Variants in PCDHGA3 observed in about 807,000 individuals in gnomAD.
PCDHGA3 encodes the protein protocadherin gamma-A3.
A neutral mutation model predicts 58.5 loss-of-function variants in PCDHGA3; 40 were observed. That is an observed-to-expected ratio of 0.68 (90% confidence interval 0.53 to 0.89). The LOEUF (loss-of-function observed/expected upper bound fraction) is 0.89, where lower values mean the gene tolerates loss of function less well. Ranked by LOEUF, PCDHGA3 falls within the 40% of genes least tolerant of loss-of-function variation. The probability of loss-of-function intolerance (pLI) is 0.00; values close to 1 mark genes in which losing one functional copy is unlikely to be tolerated. For synonymous variants in PCDHGA3, 530 were observed against 525.7 expected (o/e 1.01, Z -0.11); for missense variants, 1,223 against 1,195.9 (o/e 1.02, Z -0.33).
At chr5:141,355,830 C>G (rs1245004655) in intron 1 of PCDHGA3, 7 of 1,612,458 alleles carry the variant, frequency 4.3e-6, no homozygotes, top group Non-Finnish European at 5.9e-6. Flanking sequence ...TTCACCACCT[C>G]GTTCTCACGG....
chr5:141,489,111 C>G lies in PCDHGA3; in HGVS notation c.2425-5696C>G. 1.9e-6 allele frequency: 1 copy of G among 518,042 alleles called. No individual in the cohort carries two copies. Among genetic ancestry groups the G allele is most frequent in the Non-Finnish European group, 3.2e-6 (1 of 308,182 alleles). The allele number at this position is 518,042 out of a possible 1,614,324, so 32.1% of individuals were successfully genotyped here. The stretch of plus-strand genomic sequence containing the variant: ...GTGACTAAGAACTGCTGCAAGCAGG[C>G]AAACCTCCGAGCAGTTTTTAAGAGG... On this transcript the variant is annotated intron_variant, in intron 1 of 3. Coordinates refer to ENST00000253812, the MANE Select transcript of PCDHGA3 (RefSeq NM_018916.4). This position sits in a 1 kb window ranked among gnomAD's most constrained non-coding sequence, Gnocchi z 4.5.
At chr5:141,415,416 G>C (rs747598923) in intron 1 of PCDHGA3, 3 of 1,614,220 alleles carry the variant, frequency 1.9e-6, no homozygotes, top group Non-Finnish European at 2.5e-6. Flanking sequence ...TTGTGGGCGT[G>C]GACGGGGTTC....
intron 1 of PCDHGA3, chr5:141,403,391 G>A: frequency 1.2e-6 from 2 of 1,614,046 alleles, no homozygotes; most frequent in Non-Finnish European, 1.7e-6. Flanking sequence ...CGAAATCGCG[G>A]TTCCTGGAGC....
Position 141,485,342 on chromosome 5 carries a change from G to C in PCDHGA3, c.2425-9465G>C. 1.2e-6 allele frequency: 2 copies of C among 1,614,164 alleles called. No individual in the cohort carries two copies. Among genetic ancestry groups the C allele is most frequent in the Non-Finnish European group, 1.7e-6 (2 of 1,180,026 alleles). On this transcript the variant is annotated intron_variant, in intron 1 of 3. Coordinates refer to ENST00000253812, the MANE Select transcript of PCDHGA3 (RefSeq NM_018916.4). The surrounding 1 kb of genome is among the most constrained non-coding windows in gnomAD (Gnocchi z 5.7). The stretch of plus-strand genomic sequence containing the variant: ...CGCTCAAGATTTCCTGCTGGATACG[G>C]ACAGTCTGTCAGCTCGCAGGCTGCA...
intron 1 of PCDHGA3, among the ~76,000 whole-genome samples, chr5:141,402,640 T>G (rs1180615388): frequency 1.3e-5 from 2 of 152,232 alleles, no homozygotes; most frequent in East Asian, 3.8e-4. Flanking sequence ...TCTAAAATCA[T>G]AATTAGAAGA....
At chr5:141,404,488 T>A in intron 1 of PCDHGA3, 1 of 1,613,536 alleles carries the variant, frequency 6.2e-7, no homozygotes, top group Non-Finnish European at 8.5e-7. Context: ...CAGACACTGG[T>A]GTGCTGTATG....
chr5:141,487,355 G>A lies in PCDHGA3; in HGVS notation c.2425-7452G>A. ...AGCCTGTGGAGTCACATGCTTTCCT[G>A]CTGGCACCTGTGCCTGTCTCACCAG... On this transcript the variant is annotated intron_variant, in intron 1 of 3. Coordinates refer to ENST00000253812, the MANE Select transcript of PCDHGA3 (RefSeq NM_018916.4). This position sits in a 1 kb window ranked among gnomAD's most constrained non-coding sequence, Gnocchi z 5.0. 1 of 1,614,150 alleles carries A rather than the reference G, an allele frequency of 6.2e-7. No homozygotes were observed. Among genetic ancestry groups the A allele is most frequent in the South Asian group, 1.1e-5 (1 of 91,090 alleles).
At chr5:141,390,674 T>C (rs1389887545) in intron 1 of PCDHGA3, 1 of 189,116 alleles carries the variant, frequency 5.3e-6, no homozygotes, top group East Asian at 1.5e-4. Flanking sequence ...ATAAAAATAA[T>C]AAAGCCAAAG....
At chr5:141,399,834 G>A (rs375768001) in intron 1 of PCDHGA3, 3 of 1,613,004 alleles carry the variant, frequency 1.9e-6, no homozygotes, top group African/African-American at 2.7e-5. Flanking sequence ...ACGGCTCTGC[G>A]CTCTTCGATA....
intron 1 of PCDHGA3, chr5:141,395,206 A>G (rs773754361): frequency 1.2e-6 from 2 of 1,613,736 alleles, no homozygotes; most frequent in South Asian, 1.1e-5. Context: ...GTAGATTTTC[A>G]TGAATATAAG....
At chr5:141,406,173 T>C (rs1317526026) in intron 1 of PCDHGA3, among the ~76,000 whole-genome samples, 2 of 151,712 alleles carry the variant, frequency 1.3e-5, no homozygotes, top group African/African-American at 4.8e-5. Context: ...CCTGGGCTTA[T>C]GCAATCCTCC....
At chr5:141,394,224 A>G (rs375614946) in intron 1 of PCDHGA3, 380 of 1,613,788 alleles carry the variant, frequency 2.4e-4, no homozygotes, top group Middle Eastern at 1.3e-3. Context: ...AGGAGCCTCC[A>G]TCTTTTCCTT....
Position 141,487,831 on chromosome 5 carries a change from A to G in PCDHGA3, c.2425-6976A>G, listed in dbSNP as rs1001896359. ...TTAGCATTGGGGGCGGGTCATGCCTATATCTGAGTAAGAAATGAAAGTAAT... is the reference window on the plus strand; with the variant it reads ...TTAGCATTGGGGGCGGGTCATGCCTGTATCTGAGTAAGAAATGAAAGTAAT... On this transcript the variant is annotated intron_variant, in intron 1 of 3. Transcript: ENST00000253812. This position sits in a 1 kb window ranked among gnomAD's most constrained non-coding sequence, Gnocchi z 5.0. The G allele has an allele frequency of 1.1e-5, 13 of 1,144,204 alleles. No homozygotes were observed. Among genetic ancestry groups the G allele is most frequent in the Non-Finnish European group, 1.6e-5 (13 of 818,302 alleles). 70.9% of individuals were successfully genotyped at this position (1,144,204 alleles called of 1,614,324 possible). A position where few individuals can be genotyped will look rare whatever the true frequency, so the allele number is the denominator to read the frequency against.
intron 1 of PCDHGA3, among the ~76,000 whole-genome samples, chr5:141,468,178 T>G (rs1033546956): frequency 1.3e-5 from 2 of 151,580 alleles, no homozygotes; most frequent in African/African-American, 4.8e-5. Context: ...TAGAAAAATT[T>G]GCTGGGCATG....
In PCDHGA3 at chr5:141,418,134, G is replaced by A. The variant is rs367774534; in HGVS notation, c.2424+71677G>A. ...TTACTTGTGAAGGACCGAATAGACC[G>A]TGAGCAAATATGCAAAGAGAGAAGA... On this transcript the variant is annotated intron_variant, in intron 1 of 3. Transcript: ENST00000253812. The A allele has an allele frequency of 3.1e-6, 5 of 1,613,970 alleles. No individual in the cohort carries two copies. In the African/African-American group the frequency reaches 4.0e-5, roughly 13 times the overall value.
At position 141,486,996 on chromosome 5, in the gene PCDHGA3, A is replaced by G; in HGVS notation, c.2425-7811A>G. ...TCAGGTTACAATGCTTGGGTTTCCT[A>G]TCAGCTCCTGGAGGCCCCAGATCCC... On this transcript the variant is annotated intron_variant, in intron 1 of 3. Coordinates refer to ENST00000253812, the MANE Select transcript of PCDHGA3 (RefSeq NM_018916.4). This position sits in a 1 kb window ranked among gnomAD's most constrained non-coding sequence, Gnocchi z 5.0. 6.2e-7 allele frequency: 1 copy of G among 1,614,152 alleles called. No individual in the cohort carries two copies. Among genetic ancestry groups the G allele is most frequent in the Non-Finnish European group, 8.5e-7 (1 of 1,180,032 alleles).
At chr5:141,364,978 T>G (rs753013611) in intron 1 of PCDHGA3, 1 of 1,613,892 alleles carries the variant, frequency 6.2e-7, no homozygotes, top group Non-Finnish European at 8.5e-7. Flanking sequence ...CAGCTTTAGA[T>G]GGCGGAGACC....
At chr5:141,390,455 T>C (rs2092151799) in intron 1 of PCDHGA3, 6 of 771,128 alleles carry the variant, frequency 7.8e-6, no homozygotes, top group Non-Finnish European at 1.2e-5. Context: ...AGGAGTAAAG[T>C]AGGAGCAATT....
intron 1 of PCDHGA3, chr5:141,441,758 C>T: frequency 2.6e-6 from 1 of 382,050 alleles, no homozygotes. Context: ...TCAACGTGAG[C>T]CTGCGCGTGT....
Sources: allele counts gnomAD v4.1 joint callset (sites outside exome capture counted in the v4.1 genomes callset), GRCh38; gene constraint gnomAD v4.1.1; non-coding constraint Gnocchi (gnomAD v3.1); transcripts MANE v1.5; gene names NCBI Gene and HGNC (gene_info 2026-07-23, HGNC 2026-07-21).